E2F3: variants seen among roughly 807,000 people sequenced by gnomAD.
E2F3 encodes the protein transcription factor E2F3.
A neutral mutation model predicts 44.4 loss-of-function variants in E2F3; 11 were observed. That is an observed-to-expected ratio of 0.25 (90% CI 0.16 to 0.41). The LOEUF (loss-of-function observed/expected upper bound fraction) is 0.41. Ranked by LOEUF, E2F3 falls within the 10% of genes least tolerant of loss-of-function variation. The pLI is 1.00. For synonymous variants in E2F3, 249 were observed against 253.0 expected (o/e 0.98, Z 0.15); for missense variants, 487 against 583.6 (o/e 0.83, Z 1.70).
At chr6:20,451,533 TA>T (rs1581616675) in intron 1 of E2F3, among the ~76,000 whole-genome samples, 1 of 152,196 alleles carries the variant, frequency 6.6e-6, no homozygotes, top group African/African-American at 2.4e-5. Context: ...CCTCTCTTTT[TA>T]TTTGGAGGCA....
At position 20,482,783 on chromosome 6, in the gene E2F3, T is replaced by G; in HGVS notation, c.747T>G (p.Asp249Glu). The change falls in exon 4 of 7, where the codon GAT (aspartate) becomes GAG (glutamate). Residue 249 changes from aspartate (D) to glutamate (E), a missense_variant. Physicochemically the swap from Asp to Glu is conservative, Grantham distance 45. Around this residue, in one of 3 missense-constraint regions of E2F3, gnomAD observed 220 missense variants for 261.7 expected, o/e 0.84. Coordinates refer to ENST00000346618, the MANE Select transcript of E2F3 (RefSeq NM_001949.5). ...CTAGGGGCTGCAGTCTGTCTGAGGA[T>G]GGGGGCATGCTGGCCCAGTGTCAAG... ...VQWMGCSLSE[D>E]GGMLAQCQGL... 1 of 1,611,302 alleles carries G rather than the reference T, an allele frequency of 6.2e-7. No homozygotes were observed. Among genetic ancestry groups the G allele is most frequent in the Non-Finnish European group, 8.5e-7 (1 of 1,178,832 alleles).
intron 5 of E2F3, 132 bp downstream of exon 5, chr6:20,486,935 TAACC>T (rs1486052062): frequency 1.5e-5 from 9 of 601,548 alleles, no homozygotes; most frequent in Non-Finnish European, 2.3e-5. Context: ...TTATTTTACT[TAACC>T]ATACATTTGA....
chr6:20,464,170 A>C (rs1470892512), intron 1 of E2F3, among the ~76,000 whole-genome samples: 1 of 152,186 alleles, frequency 6.6e-6, no homozygotes, highest in African/African-American at 2.4e-5. Context: ...CTTTTATGGA[A>C]GCTGCATTAC....
At chr6:20,459,298 C>T (rs1282527408) in intron 1 of E2F3, among the ~76,000 whole-genome samples, 2 of 151,982 alleles carry the variant, frequency 1.3e-5, no homozygotes, top group African/African-American at 2.4e-5. Flanking sequence ...GGTCATATAG[C>T]CAGGAAGAGC....
At chr6:20,421,110 A>G (rs1760012709) in intron 1 of E2F3, among the ~76,000 whole-genome samples, 1 of 152,248 alleles carries the variant, frequency 6.6e-6, no homozygotes, top group Non-Finnish European at 1.5e-5. Context: ...TAGCAGTTCA[A>G]TCACCTATTA....
intron 1 of E2F3, among the ~76,000 whole-genome samples, chr6:20,479,635 G>A (rs1762155879): frequency 6.6e-6 from 1 of 152,362 alleles, no homozygotes; most frequent in East Asian, 1.9e-4. Flanking sequence ...GTGGACGGAT[G>A]ATCACGGCAG....
intron 1 of E2F3, among the ~76,000 whole-genome samples, chr6:20,409,358 T>C (rs1759593477): frequency 6.6e-6 from 1 of 152,238 alleles, no homozygotes; most frequent in Non-Finnish European, 1.5e-5. Context: ...CAAAACGTGA[T>C]AGTAATATTT....
At chr6:20,409,341 G>A (rs1161159535) in intron 1 of E2F3, among the ~76,000 whole-genome samples, 1 of 152,226 alleles carries the variant, frequency 6.6e-6, no homozygotes, top group Non-Finnish European at 1.5e-5. Flanking sequence ...AGGAAAGAAT[G>A]ACTCTTCAAA....
chr6:20,431,290 A>C (rs1025632403), intron 1 of E2F3, among the ~76,000 whole-genome samples: 2 of 152,088 alleles, frequency 1.3e-5, no homozygotes, highest in African/African-American at 2.4e-5. Flanking sequence ...AGTGACCTTA[A>C]AGATGTTTTT....
At chr6:20,419,902 G>T (rs752678383) in intron 1 of E2F3, among the ~76,000 whole-genome samples, 38 of 152,138 alleles carry the variant, frequency 2.5e-4, no homozygotes, top group Non-Finnish European at 3.8e-4. Flanking sequence ...GTCTCATTCT[G>T]TTGCCCAGGC....
At chr6:20,472,287 C>T (rs1761919755) in intron 1 of E2F3, among the ~76,000 whole-genome samples, 1 of 152,026 alleles carries the variant, frequency 6.6e-6, no homozygotes, top group Non-Finnish European at 1.5e-5. Flanking sequence ...GTGGTAAAAT[C>T]GTGCAGTGGC....
intron 1 of E2F3, among the ~76,000 whole-genome samples, chr6:20,411,032 C>T (rs956645013): frequency 6.6e-6 from 1 of 152,198 alleles, no homozygotes; most frequent in Admixed American, 6.5e-5. Context: ...TCGCCTAATG[C>T]AGTCTTTAGG....
chr6:20,424,517 A>G (rs916147191), intron 1 of E2F3, among the ~76,000 whole-genome samples: 5 of 152,134 alleles, frequency 3.3e-5, no homozygotes, highest in African/African-American at 1.2e-4. Context: ...GTAAAGAAGC[A>G]GCACACTGTT....
intron 6 of E2F3, among the ~76,000 whole-genome samples, chr6:20,488,955 T>G (rs941757256): frequency 2.6e-5 from 4 of 152,044 alleles, no homozygotes; most frequent in Non-Finnish European, 5.9e-5. Context: ...GATCCGCCAC[T>G]GCACTCCAGC....
chr6:20,488,096 C>G lies in E2F3; in HGVS notation c.1000-17C>G. The G allele has an allele frequency of 6.2e-7, 1 of 1,612,528 alleles. No homozygotes were observed. The stretch of plus-strand genomic sequence containing the variant: ...AAAAGAACTTCTGATTCGAACTTCT[C>G]CCACTTCTGTTCATAGAGCCTACAA... On this transcript the variant is annotated splice_polypyrimidine_tract_variant and intron_variant, in intron 5 of 6. Transcript: ENST00000346618.
At chr6:20,449,387 G>A (rs866345212) in intron 1 of E2F3, among the ~76,000 whole-genome samples, 3 of 151,962 alleles carry the variant, frequency 2.0e-5, no homozygotes, top group Non-Finnish European at 4.4e-5. Flanking sequence ...TCTTAGAAAA[G>A]GTGACAACTA....
intron 1 of E2F3, among the ~76,000 whole-genome samples, chr6:20,432,428 T>TAAATA (rs1481763583): frequency 6.6e-6 from 1 of 152,212 alleles, no homozygotes; most frequent in Admixed American, 6.5e-5. Context: ...GTTCAAAGTG[T>TAAATA]AAATAAGACA....
chr6:20,482,343 T>TG (rs1762252459), intron 3 of E2F3, among the ~76,000 whole-genome samples: 1 of 50,660 alleles, frequency 2.0e-5, no homozygotes, highest in African/African-American at 6.9e-5. Context: ...TGTTTTTTTG[T>TG]TTTTTTTTTT....
At chr6:20,475,603 G>T (rs1762019721) in intron 1 of E2F3, among the ~76,000 whole-genome samples, 3 of 152,178 alleles carry the variant, frequency 2.0e-5, no homozygotes, top group Admixed American at 1.3e-4. Context: ...CCAGGTTCAA[G>T]CAATTCTCAT....
Sources: allele counts gnomAD v4.1 joint callset (sites outside exome capture counted in the v4.1 genomes callset), GRCh38; gene constraint gnomAD v4.1.1; regional missense constraint gnomAD v4.1.1; transcripts MANE v1.5; gene names NCBI Gene and HGNC (gene_info 2026-07-23, HGNC 2026-07-21).